The following PRKCH variants were observed in gnomAD, a reference collection of about 807,000 sequenced individuals.
PRKCH encodes protein kinase C eta.
Under a neutral mutation model 82.5 loss-of-function variants are expected in PRKCH, and 28 were observed. The ratio of observed to expected loss-of-function variants is 0.34; its 90% CI spans 0.25 to 0.47. The LOEUF (loss-of-function observed/expected upper bound fraction) is 0.47, where lower values mean the gene tolerates loss of function less well. PRKCH is among the 20% of genes least tolerant of loss of function. PRKCH has a pLI of 1.00. For missense variants in PRKCH, 705 were observed against 881.8 expected, an observed-to-expected ratio of 0.80 and a Z score of 2.54; for synonymous variants, 322 against 327.4, an observed-to-expected ratio of 0.98 and a Z score of 0.18.
At chr14:61,429,002 T>A (rs1594695867) in intron 2 of PRKCH, among the ~76,000 whole-genome samples, 1 of 152,348 alleles carries the variant, frequency 6.6e-6, no homozygotes. Flanking sequence ...ATCATTATCC[T>A]GTGTTCCACA....
chr14:61,453,729 C>G (rs1017142413), intron 7 of PRKCH, among the ~76,000 whole-genome samples: 1 of 151,756 alleles, frequency 6.6e-6, no homozygotes, highest in Admixed American at 6.6e-5. Flanking sequence ...TTATGGTTCT[C>G]TGCAGACTCG....
intron 1 of PRKCH, among the ~76,000 whole-genome samples, chr14:61,192,992 A>G (rs188589739): frequency 6.6e-6 from 1 of 152,350 alleles, no homozygotes; most frequent in Non-Finnish European, 1.5e-5. Context: ...TCCAGGTTCT[A>G]GGATCTGCAG....
intron 1 of PRKCH, among the ~76,000 whole-genome samples, chr14:61,215,437 C>A (rs1378685968): frequency 6.6e-6 from 1 of 152,148 alleles, no homozygotes; most frequent in African/African-American, 2.4e-5. Flanking sequence ...TCAACTCTTA[C>A]CTAAATTTCT....
intron 1 of PRKCH, among the ~76,000 whole-genome samples, chr14:61,315,387 C>T (rs930764069): frequency 3.3e-5 from 5 of 152,126 alleles, no homozygotes; most frequent in Admixed American, 1.3e-4. Flanking sequence ...ATTCACTTAA[C>T]GCTTCAACTC....
chr14:61,370,669 T>A (rs2046354276), intron 1 of PRKCH, among the ~76,000 whole-genome samples: 1 of 152,134 alleles, frequency 6.6e-6, no homozygotes, highest in East Asian at 1.9e-4. Context: ...ACTCATTATG[T>A]TAGATGTTCA....
chr14:61,212,920 A>C (rs2044592959), intron 1 of PRKCH, among the ~76,000 whole-genome samples: 1 of 152,198 alleles, frequency 6.6e-6, no homozygotes, highest in Non-Finnish European at 1.5e-5. Flanking sequence ...ACCCTCATGC[A>C]CACATTTCCT....
At chr14:61,479,723 T>C (rs1012618597) in intron 9 of PRKCH, among the ~76,000 whole-genome samples, 1 of 152,182 alleles carries the variant, frequency 6.6e-6, no homozygotes, top group East Asian at 1.9e-4. Flanking sequence ...TTTAGCCCCT[T>C]GGGCCTGGGG....
At chr14:61,447,555 T>C (rs555662297) in intron 4 of PRKCH, among the ~76,000 whole-genome samples, 1 of 152,264 alleles carries the variant, frequency 6.6e-6, no homozygotes, top group Non-Finnish European at 1.5e-5. Context: ...AAAACATACC[T>C]TACCAAATTT....
intron 1 of PRKCH, among the ~76,000 whole-genome samples, chr14:61,228,526 G>GCA (rs780384836): frequency 1.3e-5 from 2 of 152,150 alleles, no homozygotes; most frequent in Non-Finnish European, 2.9e-5. Flanking sequence ...GAAAAAGGAA[G>GCA]CACATCTTGA....
chr14:61,316,785 TGATAGCAA>T (rs1224682459), upstream of PRKCH, among the ~76,000 whole-genome samples: 1 of 152,182 alleles, frequency 6.6e-6, no homozygotes, highest in Non-Finnish European at 1.5e-5. Context: ...TTTGAGATGC[TGATAGCAA>T]AGATCCTCAT....
intron 1 of PRKCH, among the ~76,000 whole-genome samples, chr14:61,327,573 T>C (rs2045714889): frequency 6.6e-6 from 1 of 152,262 alleles, no homozygotes; most frequent in Admixed American, 6.5e-5. Flanking sequence ...AAACAGGTTG[T>C]GGCTCAGATA....
At chr14:61,279,427 G>A (rs1228900260) in intron 1 of PRKCH, 2 of 152,198 alleles carry the variant, frequency 1.3e-5, no homozygotes, top group Non-Finnish European at 2.9e-5. Context: ...GGCCCAACCT[G>A]GTTCAGGGTC....
chr14:61,296,950 T>C (rs1352485267), intron 1 of PRKCH, among the ~76,000 whole-genome samples: 1 of 152,244 alleles, frequency 6.6e-6, no homozygotes, highest in African/African-American at 2.4e-5. Context: ...ACTCACATGA[T>C]TGTAACTCAC....
intron 1 of PRKCH, among the ~76,000 whole-genome samples, chr14:61,223,810 T>G (rs1383368306): frequency 1.3e-5 from 2 of 152,170 alleles, no homozygotes; most frequent in African/African-American, 4.8e-5. Context: ...ACCCTCATGA[T>G]CCAGCAGTCC....
chr14:61,213,143 T>A (rs757749276), intron 1 of PRKCH, among the ~76,000 whole-genome samples: 4 of 152,190 alleles, frequency 2.6e-5, no homozygotes, highest in Non-Finnish European at 5.9e-5. Context: ...TCCTTGGTGC[T>A]GTTAGTGAAT....
intron 9 of PRKCH, among the ~76,000 whole-genome samples, chr14:61,480,098 G>C (rs1206407597): frequency 5.9e-5 from 9 of 152,368 alleles, no homozygotes; most frequent in African/African-American, 1.7e-4. Flanking sequence ...GAAGCCAAAA[G>C]CCTCAGGTAA....
At chr14:61,467,599 A>G (rs1462716020) in intron 9 of PRKCH, among the ~76,000 whole-genome samples, 1 of 152,238 alleles carries the variant, frequency 6.6e-6, no homozygotes, top group African/African-American at 2.4e-5. Flanking sequence ...GACAAGGAGA[A>G]GGGGAAGTAT....
chr14:61,293,975 C>T (rs1169361231), intron 1 of PRKCH, among the ~76,000 whole-genome samples: 5 of 152,136 alleles, frequency 3.3e-5, no homozygotes, highest in East Asian at 1.9e-4. Context: ...ATCCCACTAA[C>T]GTGGCTACAC....
At chr14:61,530,932 G>T (rs963799796) in intron 12 of PRKCH, among the ~76,000 whole-genome samples, 4 of 152,148 alleles carry the variant, frequency 2.6e-5, no homozygotes, top group African/African-American at 9.7e-5. Context: ...CAGAGTTTTG[G>T]GTCAAGTAAA....
Sources: gnomAD v4.1 joint callset for allele counts (sites outside exome capture counted in the v4.1 genomes callset) on GRCh38, gnomAD v4.1.1 for gene constraint, MANE v1.5 for transcripts, NCBI Gene and HGNC (gene_info 2026-07-23, HGNC 2026-07-21) for gene names.